CLIC6: variants seen among roughly 807,000 people sequenced by gnomAD.
CLIC6 encodes the protein CLIC family member 6, also known as chloride intracellular channel protein 6.
A neutral mutation model predicts 49.2 loss-of-function variants in CLIC6; 39 were observed. That is an observed-to-expected ratio of 0.79 (90% CI 0.61 to 1.04). CLIC6 has a LOEUF of 1.04. Ranked by LOEUF, CLIC6 falls within the 50% of genes least tolerant of loss-of-function variation. The pLI, the probability that CLIC6 is intolerant of heterozygous loss-of-function variation, is 0.00. For missense variants in CLIC6, 988 were observed against 993.1 expected (o/e 0.99, Z 0.07); for synonymous variants, 446 against 433.4 (o/e 1.03, Z -0.36).
chr21:34,697,706 C>T (rs915686753), intron 1 of CLIC6, among the ~76,000 whole-genome samples: 5 of 152,204 alleles, frequency 3.3e-5, no homozygotes, highest in African/African-American at 1.2e-4. Flanking sequence ...CAGGACAGTC[C>T]TGGGCAAACC....
chr21:34,675,080 C>T (rs994685022), intron 1 of CLIC6, among the ~76,000 whole-genome samples: 1 of 152,064 alleles, frequency 6.6e-6, no homozygotes, highest in Non-Finnish European at 1.5e-5. Flanking sequence ...GATTTAGACA[C>T]CACCTGTTTA....
intron 5 of CLIC6, among the ~76,000 whole-genome samples, chr21:34,710,302 T>C (rs1042917765): frequency 3.9e-5 from 6 of 152,128 alleles, no homozygotes; most frequent in Admixed American, 3.9e-4. Context: ...TTATTAATTA[T>C]TTATTTATTT....
Position 34,716,359 on chromosome 21 carries a change from T to C in CLIC6, c.1938T>C (p.Ser646=). 1 of 1,613,638 alleles carries C rather than the reference T, an allele frequency of 6.2e-7. No homozygotes were observed. The highest frequency in any genetic ancestry group is 1.1e-5 in the South Asian group (1 of 90,924). The change falls in exon 6 of 6, where the codon TCT becomes TCC. Residue 646 remains serine, a synonymous_variant. Coordinates refer to ENST00000349499, the MANE Select transcript of CLIC6 (RefSeq NM_053277.3). ...AKKYRDFEFP[S]EMTGIWRYLN... is the part of the protein sequence containing the mutation. ...AGTACAGAGATTTTGAATTTCCTTC[T>C]GAAATGACTGGCATCTGGAGATACT...
chr21:34,671,396 A>G (rs1457496484), intron 1 of CLIC6, among the ~76,000 whole-genome samples: 1 of 152,212 alleles, frequency 6.6e-6, no homozygotes, highest in African/African-American at 2.4e-5. Flanking sequence ...GAACGTTTTA[A>G]CATTGAATTT....
chr21:34,694,387 G>A lies in CLIC6; in HGVS notation c.1375-12893G>A, dbSNP rs552849825. Among the ~76,000 whole-genome samples the A allele has an allele frequency of 1.8e-3, 274 of 152,060 alleles. 2 individuals are homozygous for A. The highest frequency in any genetic ancestry group is 6.3e-3 in the African/African-American group (261 of 41,466). ...AGCAGTGTGATCTCAGCTCACTGCC[G>A]CCTTGACCTCCTGGGCTCAAGCAAT... On this transcript the variant is annotated intron_variant, in intron 1 of 5. Coordinates refer to ENST00000349499, the MANE Select transcript of CLIC6 (RefSeq NM_053277.3).
chr21:34,692,410 T>C (rs1781445136), intron 1 of CLIC6, among the ~76,000 whole-genome samples: 1 of 152,216 alleles, frequency 6.6e-6, no homozygotes, highest in Non-Finnish European at 1.5e-5. Flanking sequence ...GGGGCATTTG[T>C]AGATAGGTGG....
chr21:34,711,996 T>C (rs2056059681), intron 5 of CLIC6, among the ~76,000 whole-genome samples: 1 of 152,156 alleles, frequency 6.6e-6, no homozygotes. Context: ...CACATGAAAC[T>C]TGAAGAAGAG....
At chr21:34,690,101 G>C (rs936720596) in intron 1 of CLIC6, among the ~76,000 whole-genome samples, 10 of 152,220 alleles carry the variant, frequency 6.6e-5, no homozygotes, top group Non-Finnish European at 1.3e-4. Flanking sequence ...GGAATGTCCA[G>C]ACCCTTGTAT....
At chr21:34,708,179 G>T (rs755974026) in intron 3 of CLIC6, 110 bp downstream of exon 3, 11 of 1,297,768 alleles carry the variant, frequency 8.5e-6, no homozygotes, top group Non-Finnish European at 1.2e-5. Context: ...GCAGCCCACG[G>T]TGCTCACTTC....
At chr21:34,677,978 A>G (rs1294393814) in intron 1 of CLIC6, among the ~76,000 whole-genome samples, 2 of 152,176 alleles carry the variant, frequency 1.3e-5, no homozygotes, top group East Asian at 3.8e-4. Context: ...TGAAATTCAA[A>G]TTTCAGGGCC....
chr21:34,691,596 A>C (rs1323003168), intron 1 of CLIC6, among the ~76,000 whole-genome samples: 1 of 152,030 alleles, frequency 6.6e-6, no homozygotes, highest in Non-Finnish European at 1.5e-5. Flanking sequence ...AGGTTGATAC[A>C]GATGAGGTTT....
At chr21:34,714,824 T>A (rs2056077381) in intron 5 of CLIC6, among the ~76,000 whole-genome samples, 1 of 151,912 alleles carries the variant, frequency 6.6e-6, no homozygotes, top group Non-Finnish European at 1.5e-5. Context: ...GACACACACA[T>A]GCATACAGAA....
chr21:34,700,446 CAA>C (rs530221942), intron 1 of CLIC6, among the ~76,000 whole-genome samples: 6 of 64,862 alleles, frequency 9.3e-5, no homozygotes, highest in Admixed American at 1.6e-4. Context: ...GACTCCGTCT[CAA>C]AAAAAAAAAA....
In CLIC6 at chr21:34,669,852, A is replaced by G; in HGVS notation, c.464A>G (p.Glu155Gly). ...PEVPEGSASG[E>G]AGDSVDAEGP... ...GTCCCGGAAGGTAGCGCGTCCGGGG[A>G]GGCGGGGGACAGCGTAGACGCGGAG... The change falls in exon 1 of 6, where the codon GAG becomes GGG. Residue 155 changes from glutamate (E) to glycine (G), a missense_variant. Physicochemically the swap from Glu to Gly is moderately conservative, Grantham distance 98 (BLOSUM62 -2). Around this residue, in one of 3 missense-constraint regions of CLIC6, gnomAD observed 284 missense variants for 278.6 expected, o/e 1.02. Transcript: ENST00000349499. 2.1e-6 allele frequency: 3 copies of G among 1,402,584 alleles called. No homozygotes were observed. Among genetic ancestry groups the G allele is most frequent in the Non-Finnish European group, 2.8e-6 (3 of 1,086,716 alleles). 86.9% of individuals were successfully genotyped at this position (1,402,584 alleles called of 1,614,324 possible).
intron 1 of CLIC6, among the ~76,000 whole-genome samples, chr21:34,671,177 T>G (rs995600807): frequency 1.4e-5 from 2 of 147,386 alleles, no homozygotes; most frequent in Non-Finnish European, 3.0e-5. Context: ...ACCCTATTGG[T>G]GTTCAAAGGG....
intron 1 of CLIC6, among the ~76,000 whole-genome samples, chr21:34,677,212 C>A (rs773796385): frequency 2.0e-5 from 3 of 152,146 alleles, no homozygotes; most frequent in African/African-American, 4.8e-5. Flanking sequence ...GAAAATTTCC[C>A]AGTTTTGAAT....
intron 1 of CLIC6, among the ~76,000 whole-genome samples, chr21:34,696,371 A>G (rs1207426315): frequency 6.6e-6 from 1 of 152,172 alleles, no homozygotes; most frequent in Non-Finnish European, 1.5e-5. Context: ...ATCACCATGG[A>G]TTCCAAACCT....
intron 1 of CLIC6, among the ~76,000 whole-genome samples, chr21:34,691,481 A>G (rs923809474): frequency 1.3e-5 from 2 of 152,118 alleles, no homozygotes; most frequent in Non-Finnish European, 2.9e-5. Context: ...AGGCTGGCTT[A>G]AGTGTAAAGC....
At chr21:34,688,192 A>G (rs541643171) in intron 1 of CLIC6, among the ~76,000 whole-genome samples, 29 of 152,364 alleles carry the variant, frequency 1.9e-4, no homozygotes, top group African/African-American at 7.0e-4. Context: ...ATAACAATGG[A>G]CAATACTAGC....
Sources: allele counts gnomAD v4.1 joint callset (sites outside exome capture counted in the v4.1 genomes callset), GRCh38; gene constraint gnomAD v4.1.1; regional missense constraint gnomAD v4.1.1; transcripts MANE v1.5; gene names NCBI Gene and HGNC (gene_info 2026-07-23, HGNC 2026-07-21).